Variants in AGBL4 observed in about 807,000 individuals in gnomAD.
AGBL4 encodes the protein cytosolic carboxypeptidase 6.
Under a neutral mutation model 66.4 loss-of-function variants are expected in AGBL4, and 58 were observed. The ratio of observed to expected loss-of-function variants is 0.87; its 90% CI spans 0.71 to 1.09. The LOEUF is 1.09. Among genes scored for constraint, AGBL4 ranks in the 50% least tolerant of loss-of-function variants. AGBL4 has a pLI of 0.00. For missense variants in AGBL4, 579 were observed against 631.0 expected, an observed-to-expected ratio of 0.92 and a Z score of 0.88; for synonymous variants, 234 against 222.9, an observed-to-expected ratio of 1.05 and a Z score of -0.44.
At chr1:48,994,162 G>A (rs1344028455) in intron 5 of AGBL4, among the ~76,000 whole-genome samples, 1 of 152,074 alleles carries the variant, frequency 6.6e-6, no homozygotes, top group Non-Finnish European at 1.5e-5. Flanking sequence ...CAGCCACAGT[G>A]TACATTAACT....
intron 3 of AGBL4, among the ~76,000 whole-genome samples, chr1:49,438,943 A>G (rs1645964546): frequency 6.6e-6 from 1 of 152,232 alleles, no homozygotes; most frequent in Non-Finnish European, 1.5e-5. Context: ...AAGGTGAGAG[A>G]TCAAGAACAG....
At chr1:49,025,713 C>T (rs1372892459) in intron 5 of AGBL4, 1 of 152,150 alleles carries the variant, frequency 6.6e-6, no homozygotes, top group Non-Finnish European at 1.5e-5. Flanking sequence ...CTGCACCTGC[C>T]TCAGTCATAG....
chr1:49,438,829 C>T (rs1346639569), intron 3 of AGBL4, among the ~76,000 whole-genome samples: 1 of 152,028 alleles, frequency 6.6e-6, no homozygotes, highest in Non-Finnish European at 1.5e-5. Flanking sequence ...GAGTAATTTG[C>T]AATAAACAGA....
intron 3 of AGBL4, among the ~76,000 whole-genome samples, chr1:49,607,684 C>T (rs772774254): frequency 4.6e-5 from 7 of 152,122 alleles, no homozygotes; most frequent in Admixed American, 1.3e-4. Context: ...AGCAAGACTA[C>T]GGTCTCCTTA....
intron 3 of AGBL4, among the ~76,000 whole-genome samples, chr1:49,525,396 T>G (rs1402270287): frequency 6.6e-6 from 1 of 151,844 alleles, no homozygotes; most frequent in Non-Finnish European, 1.5e-5. Flanking sequence ...GCCATGAGAA[T>G]AGAGGTAGGG....
chr1:49,663,626 T>A (rs532064603), intron 3 of AGBL4, among the ~76,000 whole-genome samples: 2 of 152,176 alleles, frequency 1.3e-5, no homozygotes, highest in African/African-American at 4.8e-5. Flanking sequence ...TAACAACAAT[T>A]AGTGGTACCA....
chr1:49,678,575 T>C (rs757638984), intron 3 of AGBL4, among the ~76,000 whole-genome samples: 1 of 152,120 alleles, frequency 6.6e-6, no homozygotes, highest in Non-Finnish European at 1.5e-5. Context: ...CTTTCTTCTT[T>C]TCTAATGTAA....
chr1:49,870,350 ATACTT>A (rs1469718010), intron 1 of AGBL4, among the ~76,000 whole-genome samples: 13 of 152,144 alleles, frequency 8.5e-5, no homozygotes, highest in Admixed American at 5.9e-4. Context: ...CAATTGTACA[ATACTT>A]AATAAAAATA....
At chr1:49,221,394 C>T (rs1649485795) in intron 4 of AGBL4, among the ~76,000 whole-genome samples, 1 of 152,058 alleles carries the variant, frequency 6.6e-6, no homozygotes, top group Admixed American at 6.6e-5. Flanking sequence ...AGTACAAGCT[C>T]ACATGGAACT....
At chr1:48,846,362 G>GAAGAAAGAAAGA (rs72459142) in intron 6 of AGBL4, among the ~76,000 whole-genome samples, 1,244 of 118,664 alleles carry the variant, frequency 0.01, 12 homozygotes, top group Admixed American at 0.016. Flanking sequence ...GAGAAAGAAA[G>GAAGAAAGAAAGA]AAGAAAGAAA....
chr1:48,553,651 C>T (rs576947879), intron 11 of AGBL4, among the ~76,000 whole-genome samples: 2 of 152,192 alleles, frequency 1.3e-5, no homozygotes, highest in South Asian at 4.1e-4. Flanking sequence ...TACTGACAAA[C>T]TGTGTAAATT....
At chr1:48,744,572 C>CA (rs1434362793) in intron 6 of AGBL4, among the ~76,000 whole-genome samples, 1 of 152,192 alleles carries the variant, frequency 6.6e-6, no homozygotes, top group Non-Finnish European at 1.5e-5. Flanking sequence ...TTAGCAAGAA[C>CA]ATGTCTTTCC....
intron 3 of AGBL4, among the ~76,000 whole-genome samples, chr1:49,514,738 C>T (rs1388231503): frequency 1.3e-5 from 2 of 152,170 alleles, no homozygotes; most frequent in African/African-American, 4.8e-5. Context: ...TGCTGCATAT[C>T]TACAACCATC....
chr1:49,656,226 A>C (rs1010346127), intron 3 of AGBL4, among the ~76,000 whole-genome samples: 57 of 152,064 alleles, frequency 3.7e-4, no homozygotes, highest in Non-Finnish European at 7.6e-4. Context: ...TACCATAAAC[A>C]CCTCTACGCA....
chr1:49,832,958 A>T (rs1209082488), intron 2 of AGBL4, among the ~76,000 whole-genome samples: 1 of 151,792 alleles, frequency 6.6e-6, no homozygotes, highest in Non-Finnish European at 1.5e-5. Flanking sequence ...GTTCACTCTG[A>T]TGGTAGTTTC....
At chr1:49,185,602 A>G (rs372190928) in intron 4 of AGBL4, among the ~76,000 whole-genome samples, 1 of 152,182 alleles carries the variant, frequency 6.6e-6, no homozygotes, top group Admixed American at 6.5e-5. Context: ...ACTTGGACAT[A>G]TGTTCTTCCT....
chr1:49,786,650 C>T (rs189525134), intron 2 of AGBL4, among the ~76,000 whole-genome samples: 3 of 152,196 alleles, frequency 2.0e-5, no homozygotes, highest in Admixed American at 1.3e-4. Context: ...GTATCTTTAC[C>T]TAAGATGATA....
chr1:48,619,716 C>T (rs1173315051), intron 9 of AGBL4, among the ~76,000 whole-genome samples: 1 of 152,176 alleles, frequency 6.6e-6, no homozygotes, highest in African/African-American at 2.4e-5. Flanking sequence ...TCAATCCTCC[C>T]GACTGCTGAG....
At chr1:48,696,427 C>T (rs1646714945) in intron 6 of AGBL4, among the ~76,000 whole-genome samples, 2 of 152,144 alleles carry the variant, frequency 1.3e-5, no homozygotes, top group Admixed American at 1.3e-4. Context: ...AAACTAGGAG[C>T]TTTCTTAGGA....
Sources: gnomAD v4.1 joint callset for allele counts (sites outside exome capture counted in the v4.1 genomes callset) on GRCh38, gnomAD v4.1.1 for gene constraint, MANE v1.5 for transcripts, NCBI Gene and HGNC (gene_info 2026-07-23, HGNC 2026-07-21) for gene names.